Variants in SCN9A observed in about 807,000 individuals in gnomAD.
The protein encoded by SCN9A is sodium channel protein type 9 subunit alpha.
Under a neutral mutation model 187.0 loss-of-function variants are expected in SCN9A, and 131 were observed. That is an observed-to-expected ratio of 0.70 (90% CI 0.61 to 0.81). The LOEUF is 0.81. SCN9A is among the 30% of genes least tolerant of loss of function. The probability of loss-of-function intolerance (pLI) is 0.00; values close to 1 mark genes in which losing one functional copy is unlikely to be tolerated. For synonymous variants in SCN9A, 809 were observed against 808.6 expected (o/e 1.00, Z -0.01); for missense variants, 2,252 against 2,396.6 (o/e 0.94, Z 1.26).
intron 1 of SCN9A, among the ~76,000 whole-genome samples, chr2:166,324,107 G>A (rs1699307444): frequency 6.6e-6 from 1 of 151,544 alleles, no homozygotes; most frequent in Non-Finnish European, 1.5e-5. Flanking sequence ...CCTCTTACCT[G>A]TAAATAACTT....
chr2:166,319,116 A>C (rs1172360646), intron 1 of SCN9A, among the ~76,000 whole-genome samples: 2 of 152,056 alleles, frequency 1.3e-5, no homozygotes, highest in African/African-American at 4.8e-5. Flanking sequence ...AAGATAACTA[A>C]CTAAAAAGAA....
chr2:166,205,868 C>G (rs1182272373), intron 24 of SCN9A, among the ~76,000 whole-genome samples: 1 of 152,164 alleles, frequency 6.6e-6, no homozygotes, highest in Admixed American at 6.5e-5. Flanking sequence ...TGAACAGGTA[C>G]TTCTCAAAAG....
rs201137748 is a variant in SCN9A, at chr2:166,198,548, T to C, written c.*124A>G. 3.1e-3 allele frequency: 2,153 copies of C among 704,370 alleles called. 3 individuals are homozygous for C. Among genetic ancestry groups the C allele is most frequent in the Non-Finnish European group, 4.3e-3 (1,849 of 432,406 alleles). 43.6% of individuals were successfully genotyped at this position (704,370 alleles called of 1,614,324 possible). On this transcript the variant is annotated 3_prime_UTR_variant, in exon 27 of 27. Coordinates refer to ENST00000642356, the MANE Select transcript of SCN9A (RefSeq NM_001365536.1). ...ACCTTTCTTAGGAAATCAGAGTTAG[T>C]GACTGCACTGCCTTCGAGAATATTT...
chr2:166,233,337 T>C lies in SCN9A; in HGVS notation c.3924+3A>G. ...AACATTATAAAGTTTAGTATTTTCT[T>C]ACCCTCATTCCTTCAAATCTAGATA... On this transcript the variant is annotated splice_donor_region_variant and intron_variant, in intron 21 of 26. Coordinates refer to ENST00000642356, the MANE Select transcript of SCN9A (RefSeq NM_001365536.1). 1 of 1,524,890 alleles carries C rather than the reference T, an allele frequency of 6.6e-7. No homozygotes were observed. The highest frequency in any genetic ancestry group is 8.7e-7 in the Non-Finnish European group (1 of 1,144,108). The allele number at this position is 1,524,890 out of a possible 1,614,324, so 94.5% of individuals were successfully genotyped here.
chr2:166,241,268 T>C (rs1472715484), intron 19 of SCN9A, among the ~76,000 whole-genome samples: 4 of 152,092 alleles, frequency 2.6e-5, no homozygotes, highest in African/African-American at 9.7e-5. Context: ...TGGCTTCTAA[T>C]GGCTCATCTC....
chr2:166,217,336 A>G (rs1050283194), intron 24 of SCN9A, among the ~76,000 whole-genome samples: 2 of 152,136 alleles, frequency 1.3e-5, no homozygotes, highest in African/African-American at 4.8e-5. Context: ...AGCACAGGTA[A>G]CAAAAGACAA....
At position 166,371,181 on chromosome 2, in the gene SCN9A, C is replaced by G. The variant is rs186674692; in HGVS notation, c.-51+4516G>C. Among the ~76,000 whole-genome samples, 90 of 152,254 alleles carry G rather than the reference C, an allele frequency of 5.9e-4. 1 individual carries two copies. The East Asian group carries it at 0.012, about 21-fold the overall frequency. The stretch of plus-strand genomic sequence containing the variant: ...TTCATCTCCTGTGTTAAAGAAACAA[C>G]AACAACATATTTTTTGCTTACAGTA... On this transcript the variant is annotated intron_variant, in intron 1 of 26. Transcript: ENST00000642356.
intron 10 of SCN9A, among the ~76,000 whole-genome samples, chr2:166,287,459 G>C (rs1559013658): frequency 6.6e-6 from 1 of 151,742 alleles, no homozygotes; most frequent in Non-Finnish European, 1.5e-5. Flanking sequence ...AATTTTCTTA[G>C]TTATTTTCTA....
chr2:166,349,217 C>A (rs1002650167), intron 1 of SCN9A, among the ~76,000 whole-genome samples: 1 of 152,282 alleles, frequency 6.6e-6, no homozygotes, highest in Non-Finnish European at 1.5e-5. Context: ...CCATCTTATT[C>A]ATCTTTCTAC....
At chr2:166,205,866 T>A (rs7556880) in intron 24 of SCN9A, among the ~76,000 whole-genome samples, 2 of 152,078 alleles carry the variant, frequency 1.3e-5, no homozygotes, top group Non-Finnish European at 2.9e-5. Flanking sequence ...TATGAACAGG[T>A]ACTTCTCAAA....
At chr2:166,266,024 C>G (rs1355329210) in intron 17 of SCN9A, among the ~76,000 whole-genome samples, 3 of 151,888 alleles carry the variant, frequency 2.0e-5, no homozygotes, top group African/African-American at 7.2e-5. Flanking sequence ...TCTCTTCACT[C>G]TATTGATTGT....
chr2:166,245,521 G>C (rs529493271), intron 18 of SCN9A, among the ~76,000 whole-genome samples: 3 of 151,888 alleles, frequency 2.0e-5, no homozygotes, highest in Admixed American at 6.6e-5. Flanking sequence ...ATGAACATAA[G>C]AGGCCCAGAA....
chr2:166,207,306 C>T (rs183540774), intron 24 of SCN9A, among the ~76,000 whole-genome samples: 2 of 151,926 alleles, frequency 1.3e-5, no homozygotes, highest in East Asian at 1.9e-4. Context: ...TATTCAGCTT[C>T]CTCTTATTTA....
At chr2:166,208,598 ATAG>A (rs1416733356) in intron 24 of SCN9A, among the ~76,000 whole-genome samples, 1 of 152,140 alleles carries the variant, frequency 6.6e-6, no homozygotes, top group Non-Finnish European at 1.5e-5. Flanking sequence ...TTTTGTTCTA[ATAG>A]TAGTATGTTT....
In SCN9A at chr2:166,221,041, A is replaced by G. The variant is rs183942156; in HGVS notation, c.4398+5526T>C. Among the ~76,000 whole-genome samples, 38 of 152,350 alleles carry G rather than the reference A, an allele frequency of 2.5e-4. 1 individual carries two copies. In the East Asian group the frequency reaches 6.7e-3, roughly 27 times the overall value. The stretch of plus-strand genomic sequence containing the variant: ...CAATAAACAATCTGAAGAGAAAATT[A>G]GGAAAGAAATCCCATTTATGATAAC... On this transcript the variant is annotated intron_variant, in intron 24 of 26. Transcript: ENST00000642356.
chr2:166,374,168 C>T (rs1700630543), intron 1 of SCN9A, among the ~76,000 whole-genome samples: 1 of 152,188 alleles, frequency 6.6e-6, no homozygotes, highest in Non-Finnish European at 1.5e-5. Flanking sequence ...GTAGAAGCAT[C>T]AGGTACTCTG....
intron 10 of SCN9A, among the ~76,000 whole-genome samples, chr2:166,287,435 T>A (rs1188461233): frequency 6.6e-6 from 1 of 152,142 alleles, no homozygotes; most frequent in East Asian, 1.9e-4. Context: ...TACTTTAAGA[T>A]ATACAATTTT....
At chr2:166,250,231 C>T (rs1695975981) in intron 18 of SCN9A, among the ~76,000 whole-genome samples, 1 of 152,000 alleles carries the variant, frequency 6.6e-6, no homozygotes, top group African/African-American at 2.4e-5. Context: ...GAAAGCAAGT[C>T]GATGATTTTT....
At chr2:166,227,649 G>T (rs200927951) in intron 23 of SCN9A, 21 bp downstream of exon 23, 26 of 1,382,578 alleles carry the variant, frequency 1.9e-5, no homozygotes, top group Non-Finnish European at 2.6e-5. Flanking sequence ...AAAGTTTAGT[G>T]CTAAGATAAT....
Sources: allele counts gnomAD v4.1 joint callset (sites outside exome capture counted in the v4.1 genomes callset), GRCh38; gene constraint gnomAD v4.1.1; transcripts MANE v1.5; gene names NCBI Gene and HGNC (gene_info 2026-07-23, HGNC 2026-07-21).